The following PTCHD4 variants were observed in gnomAD, a reference collection of about 807,000 sequenced individuals.
PTCHD4 encodes the protein patched domain containing 4, also known as patched domain-containing protein 4.
In PTCHD4, 33 loss-of-function variants were observed where a neutral mutation model predicts 58.1. The ratio of observed to expected loss-of-function variants is 0.57; its 90% CI spans 0.43 to 0.76. PTCHD4 has a LOEUF of 0.76. Among genes scored for constraint, PTCHD4 ranks in the 30% least tolerant of loss-of-function variants. PTCHD4 has a pLI of 0.00. For synonymous variants in PTCHD4, 478 were observed against 409.6 expected, an observed-to-expected ratio of 1.17 and a Z score of -2.02; for missense variants, 1,058 against 1,027.1, an observed-to-expected ratio of 1.03 and a Z score of -0.41.
At chr6:47,901,549 C>A (rs1486585357) in intron 4 of PTCHD4, 7 of 1,011,556 alleles carry the variant, frequency 6.9e-6, no homozygotes, top group Non-Finnish European at 5.9e-6. Flanking sequence ...CATCACTAAA[C>A]AGTACTTATA....
At chr6:48,007,962 ACG>A (rs1491449134) in intron 4 of PTCHD4, among the ~76,000 whole-genome samples, 4 of 148,954 alleles carry the variant, frequency 2.7e-5, no homozygotes, top group Non-Finnish European at 4.5e-5. Context: ...ACACACACAC[ACG>A]CACCACCTAC....
intron 3 of PTCHD4, among the ~76,000 whole-genome samples, chr6:48,017,266 A>G (rs1325312408): frequency 6.6e-6 from 1 of 152,216 alleles, no homozygotes; most frequent in Non-Finnish European, 1.5e-5. Context: ...ATGAGAAAAT[A>G]ATGAGAAATA....
chr6:47,936,099 T>C (rs2113915095), intron 4 of PTCHD4, among the ~76,000 whole-genome samples: 1 of 152,250 alleles, frequency 6.6e-6, no homozygotes, highest in East Asian at 1.9e-4. Flanking sequence ...TTACATATAA[T>C]TGTGCATCAT....
intron 3 of PTCHD4, among the ~76,000 whole-genome samples, chr6:48,011,421 G>GT (rs199609513): frequency 0.21 from 30,675 of 149,500 alleles, 3,239 homozygotes; most frequent in South Asian, 0.32. Flanking sequence ...ACCTTTTGAT[G>GT]TTTTTTTTTC....
At chr6:47,980,688 A>G (rs1207677701) in intron 4 of PTCHD4, among the ~76,000 whole-genome samples, 1 of 151,988 alleles carries the variant, frequency 6.6e-6, no homozygotes, top group African/African-American at 2.4e-5. Flanking sequence ...TTTCAAAGTA[A>G]TTATTTTAAA....
rs1481799569 is a variant in PTCHD4, at chr6:47,867,237, C to A, written c.*11066G>T. Among the ~76,000 whole-genome samples, 2 of 151,750 alleles carry A rather than the reference C, an allele frequency of 1.3e-5. No homozygotes were observed. The highest frequency in any genetic ancestry group is 2.9e-5 in the Non-Finnish European group (2 of 67,834). ...AATCCATGTCAGTCTCTTACTCTCA[C>A]ACTTTGAGGGCTTTTGTGCCAGAAC... On this transcript the variant is annotated 3_prime_UTR_variant, in exon 5 of 5. Transcript: ENST00000339488.
At chr6:47,896,244 C>T (rs1365919773) in intron 4 of PTCHD4, among the ~76,000 whole-genome samples, 1 of 152,200 alleles carries the variant, frequency 6.6e-6, no homozygotes, top group African/African-American at 2.4e-5. Flanking sequence ...GAGATGATTT[C>T]TGTGACAAAT....
At position 47,860,104 on chromosome 6, in the gene PTCHD4, C is replaced by G. The variant is rs76447013; in HGVS notation, c.*18199G>C. On this transcript the variant is annotated 3_prime_UTR_variant, in exon 5 of 5. Transcript: ENST00000339488. ...GCTGCATTTCCTTCTTGAAGTATTCCCCTTTAATGCCAATAGTTCCCTATA... is the reference window on the plus strand; with the variant it reads ...GCTGCATTTCCTTCTTGAAGTATTCGCCTTTAATGCCAATAGTTCCCTATA... Among the ~76,000 whole-genome samples the G allele has an allele frequency of 0.042, 6,366 of 152,052 alleles. 185 individuals carry two copies. The highest frequency in any genetic ancestry group is 0.1 in the East Asian group (532 of 5,128).
intron 4 of PTCHD4, among the ~76,000 whole-genome samples, chr6:47,921,074 C>T (rs779535279): frequency 4.6e-5 from 7 of 151,988 alleles, no homozygotes; most frequent in Non-Finnish European, 8.8e-5. Flanking sequence ...AAAAGCAAAA[C>T]AACTGGCTAA....
chr6:48,107,657 A>G (rs1271919259), intron 1 of PTCHD4, among the ~76,000 whole-genome samples: 4 of 152,194 alleles, frequency 2.6e-5, no homozygotes, highest in South Asian at 2.1e-4. Context: ...ATCAGAGTGA[A>G]CAGGAAACCT....
chr6:47,901,969 G>A lies in PTCHD4; in HGVS notation c.899-22033C>T, dbSNP rs1180309927. The A allele has an allele frequency of 8.1e-6, 10 of 1,242,026 alleles. No homozygotes were observed. In the East Asian group the frequency reaches 4.5e-4, roughly 56 times the overall value. The allele number at this position is 1,242,026 out of a possible 1,614,324, so 76.9% of individuals were successfully genotyped here. On this transcript the variant is annotated intron_variant, in intron 4 of 4. Transcript: ENST00000339488. Reference sequence around the variant, plus strand: ...TAGTATGAGCAAGTCAGTAACAAGAGTTATGTTATATTTCTAGCCTCACTC... The same window carrying A: ...TAGTATGAGCAAGTCAGTAACAAGAATTATGTTATATTTCTAGCCTCACTC...
At chr6:48,001,450 T>C (rs1581999074) in intron 4 of PTCHD4, among the ~76,000 whole-genome samples, 2 of 152,132 alleles carry the variant, frequency 1.3e-5, no homozygotes, top group Admixed American at 1.3e-4. Context: ...TCAGAAATAA[T>C]GCCACATATC....
chr6:48,068,630 G>A lies in PTCHD4; in HGVS notation c.17C>T (p.Ala6Val), dbSNP rs906282114. 2.6e-6 allele frequency: 4 copies of A among 1,553,470 alleles called. No individual in the cohort carries two copies. The highest frequency in any genetic ancestry group is 2.3e-5 in the South Asian group (2 of 85,378). ...CCTCCACCAGATCCAGCTCGCAGGC[G>A]CTCCCGGCCGTCTTAAAAAGCACAT... MRRPG[A>V]PASWIWWRML... Residue 6 changes from alanine (A) to valine (V), a missense_variant, in exon 3 of 5, where the codon GCG (alanine) becomes GTG (valine). Transcript: ENST00000339488. The surrounding 1 kb of genome is among the most constrained non-coding windows in gnomAD (Gnocchi z 4.2).
At chr6:47,929,743 T>C (rs1302291363) in intron 4 of PTCHD4, among the ~76,000 whole-genome samples, 1 of 152,224 alleles carries the variant, frequency 6.6e-6, no homozygotes, top group Non-Finnish European at 1.5e-5. Context: ...ATCCACTGAG[T>C]GTGCAAAGTC....
chr6:48,046,149 G>T (rs188503615), intron 3 of PTCHD4, among the ~76,000 whole-genome samples: 21 of 151,932 alleles, frequency 1.4e-4, no homozygotes, highest in African/African-American at 5.1e-4. Context: ...CCTAAAACTT[G>T]CTATCTCTGA....
In PTCHD4 at chr6:48,068,728, C is replaced by T; in HGVS notation, c.6-87G>A. The T allele has an allele frequency of 1.5e-6, 2 of 1,322,754 alleles. No individual in the cohort carries two copies. Among genetic ancestry groups the T allele is most frequent in the Non-Finnish European group, 2.0e-6 (2 of 991,778 alleles). 81.9% of individuals were successfully genotyped at this position (1,322,754 alleles called of 1,614,324 possible). On this transcript the variant is annotated intron_variant, in intron 2 of 4. Transcript: ENST00000339488. The surrounding 1 kb of genome is among the most constrained non-coding windows in gnomAD (Gnocchi z 4.2). ...CCTGGGGCCAGTCCCCCCTCCCCACCGCCGCCGCCTCCCCACCCACTCCGC... is the reference window on the plus strand; with the variant it reads ...CCTGGGGCCAGTCCCCCCTCCCCACTGCCGCCGCCTCCCCACCCACTCCGC...
At chr6:47,962,925 C>T (rs145811625) in intron 4 of PTCHD4, among the ~76,000 whole-genome samples, 1,526 of 151,702 alleles carry the variant, frequency 0.01, 10 homozygotes, top group African/African-American at 0.012. Flanking sequence ...TTTGGGAGGC[C>T]GAGGCAGATG....
At chr6:48,036,249 T>G (rs79412337) in intron 3 of PTCHD4, among the ~76,000 whole-genome samples, 3,603 of 151,508 alleles carry the variant, frequency 0.024, 124 homozygotes, top group African/African-American at 0.075. Context: ...AGACAAAGAG[T>G]TGATGTTACC....
At chr6:47,921,446 G>A (rs1394924646) in intron 4 of PTCHD4, among the ~76,000 whole-genome samples, 1 of 151,962 alleles carries the variant, frequency 6.6e-6, no homozygotes, top group Non-Finnish European at 1.5e-5. Flanking sequence ...TCTCCCTCTT[G>A]CTACCCCTAA....
Sources: gnomAD v4.1 joint callset for allele counts (sites outside exome capture counted in the v4.1 genomes callset) on GRCh38, gnomAD v4.1.1 for gene constraint, Gnocchi (gnomAD v3.1) non-coding constraint, MANE v1.5 for transcripts, NCBI Gene and HGNC (gene_info 2026-07-23, HGNC 2026-07-21) for gene names.